ITPKA: variants seen among roughly 807,000 people sequenced by gnomAD.
The protein encoded by ITPKA is inositol-trisphosphate 3-kinase A.
A neutral mutation model predicts 40.7 loss-of-function variants in ITPKA; 16 were observed. The ratio of observed to expected loss-of-function variants is 0.39; its 90% confidence interval spans 0.27 to 0.60. ITPKA has a LOEUF of 0.60. Ranked by LOEUF, ITPKA falls within the 20% of genes least tolerant of loss-of-function variation. ITPKA has a pLI of 0.50. For synonymous variants in ITPKA, 313 were observed against 289.9 expected, an observed-to-expected ratio of 1.08 and a Z score of -0.81; for missense variants, 540 against 649.3, an observed-to-expected ratio of 0.83 and a Z score of 1.83.
At chr15:41,496,743 T>C (rs927663282) in intron 1 of ITPKA, among the ~76,000 whole-genome samples, 2 of 152,180 alleles carry the variant, frequency 1.3e-5, no homozygotes, top group African/African-American at 4.8e-5. Flanking sequence ...GAGCAGAATT[T>C]AGGTTAACAG....
Position 41,503,131 on chromosome 15 carries a change from C to T in ITPKA, c.1351C>T (p.Leu451Phe). The T allele has an allele frequency of 6.3e-7, 1 of 1,594,952 alleles. No homozygotes were observed. The highest frequency in any genetic ancestry group is 8.6e-7 in the Non-Finnish European group (1 of 1,164,620). The change falls in exon 7 of 7, where the codon CTC becomes TTC. Residue 451 changes from leucine to phenylalanine, a missense_variant. By Grantham distance (22) the Leu-to-Phe change is conservative. Coordinates refer to ENST00000260386, the MANE Select transcript of ITPKA (RefSeq NM_002220.3). ...CGGCTATTTGCTGGGGCTGGACAAT[C>T]TCATTGGCATCCTGGCCAGCCTGGC... ...EDGYLLGLDN[L>F]IGILASLAER is the part of the protein sequence containing the mutation.
chr15:41,494,542 A>C lies in ITPKA; in HGVS notation c.489+126A>C, dbSNP rs1595447103. The C allele has an allele frequency of 1.6e-6, 1 of 643,358 alleles. No individual in the cohort carries two copies. Among genetic ancestry groups the C allele is most frequent in the South Asian group, 2.9e-5 (1 of 34,912 alleles). The allele number at this position is 643,358 out of a possible 1,614,324, so 39.9% of individuals were successfully genotyped here. ...GCGGAAGGTCCTGTTCTCGCGGTTT[A>C]GGAGGAATCTGGGGGTCAGAGGGAG... is the stretch of plus-strand genomic sequence containing the variant. On this transcript the variant is annotated intron_variant, in intron 1 of 6. Transcript: ENST00000260386. The surrounding 1 kb of genome is among the most constrained non-coding windows in gnomAD (Gnocchi z 7.8).
intron 1 of ITPKA, among the ~76,000 whole-genome samples, chr15:41,495,171 C>G (rs2051062114): frequency 1.3e-5 from 2 of 152,258 alleles, no homozygotes. Flanking sequence ...GCCCTGGGCA[C>G]TGTTAAGTCA....
chr15:41,496,581 A>C (rs2140672371), intron 1 of ITPKA, among the ~76,000 whole-genome samples: 1 of 152,274 alleles, frequency 6.6e-6, no homozygotes, highest in African/African-American at 2.4e-5. Context: ...GCCTCCTCAA[A>C]CAATTGTGGG....
In ITPKA at chr15:41,502,841, G is replaced by C. The variant is rs1171489604; in HGVS notation, c.1164G>C (p.Glu388Asp). The change falls in exon 6 of 7, where the codon GAG becomes GAC. Residue 388 changes from glutamate (E) to aspartate (D), a missense_variant. Physicochemically the swap from Glu to Asp is conservative, Grantham distance 45. Transcript: ENST00000260386. Reference protein sequence around the residue: ...QQIRDTLEVSEFFRRHEVIGS... With the variant: ...QQIRDTLEVSDFFRRHEVIGS... Reference sequence around the variant, plus strand: ...TCCGGGACACCCTGGAGGTATCCGAGTTCTTCAGGAGGCACGAGGTAAGCG... The same window carrying C: ...TCCGGGACACCCTGGAGGTATCCGACTTCTTCAGGAGGCACGAGGTAAGCG... The C allele has an allele frequency of 6.2e-7, 1 of 1,612,898 alleles. No individual in the cohort carries two copies. Among genetic ancestry groups the C allele is most frequent in the Non-Finnish European group, 8.5e-7 (1 of 1,179,616 alleles).
chr15:41,502,487 G>A lies in ITPKA; in HGVS notation c.1094G>A (p.Gly365Glu). ...VLRVFEEFVQ[G>E]DEEVLRRYLN... ...CGCGTCTTTGAAGAGTTTGTGCAAG[G>A]AGATGAGGAAGTGCTGGTGAGAGCG... Residue 365 changes from glycine to glutamate, a missense_variant, in exon 5 of 7, where the codon GGA (glycine) becomes GAA (glutamate). Gly to Glu is a moderately conservative substitution (Grantham distance 98, BLOSUM62 -2). Coordinates refer to ENST00000260386, the MANE Select transcript of ITPKA (RefSeq NM_002220.3). 3 of 1,590,250 alleles carry A rather than the reference G, an allele frequency of 1.9e-6. No individual in the cohort carries two copies. The highest frequency in any genetic ancestry group is 2.6e-6 in the Non-Finnish European group (3 of 1,159,166).
chr15:41,500,261 G>T (rs1428156485), intron 1 of ITPKA, among the ~76,000 whole-genome samples: 8 of 152,158 alleles, frequency 5.3e-5, no homozygotes, highest in Admixed American at 4.6e-4. Flanking sequence ...GCCCAGCCCG[G>T]CATCTTATTT....
rs563140984 is a variant in ITPKA at position 41,502,879 on chromosome 15, G to A, written c.1182+20G>A. The A allele has an allele frequency of 1.2e-6, 2 of 1,610,484 alleles. No homozygotes were observed. The highest frequency in any genetic ancestry group is 1.3e-5 in the African/African-American group (1 of 74,998). ...CACGAGGTAAGCGGCGGCTGCCCGG[G>A]TGCCCGGGCCGCGAGGGCTAGGGCG... is the stretch of plus-strand genomic sequence containing the variant. On this transcript the variant is annotated intron_variant, in intron 6 of 6. Coordinates refer to ENST00000260386, the MANE Select transcript of ITPKA (RefSeq NM_002220.3).
intron 6 of ITPKA, 38 bp downstream of exon 6, chr15:41,502,897 C>G: frequency 6.2e-7 from 1 of 1,607,736 alleles, no homozygotes; most frequent in Non-Finnish European, 8.5e-7. Flanking sequence ...GCCGCGAGGG[C>G]TAGGGCGGGA....
chr15:41,503,548 A>T lies in ITPKA; in HGVS notation c.*382A>T. 1.8e-6 allele frequency: 1 copy of T among 570,324 alleles called. No homozygotes were observed. The highest frequency in any genetic ancestry group is 1.4e-5 in the South Asian group (1 of 72,054). 35.3% of individuals were successfully genotyped at this position (570,324 alleles called of 1,614,324 possible). On this transcript the variant is annotated 3_prime_UTR_variant, in exon 7 of 7. Transcript: ENST00000260386. ...CCCCTTCCTAATAAAACTCAAAGAC[A>T]AGATGCAGCTTCCTGTGCCTCAGGC...
intron 1 of ITPKA, among the ~76,000 whole-genome samples, chr15:41,500,153 G>A (rs936637100): frequency 8.5e-5 from 13 of 152,136 alleles, no homozygotes; most frequent in Non-Finnish European, 1.9e-4. Flanking sequence ...TAGAGACGGG[G>A]TTTCACCATG....
chr15:41,502,581 C>T (rs1311179182), intron 5 of ITPKA, 78 bp downstream of exon 5: 4 of 991,570 alleles, frequency 4.0e-6, no homozygotes, highest in Non-Finnish European at 6.4e-6. Flanking sequence ...GCCCAGTGCC[C>T]TCGGCTGTGT....
rs1321997501 is a variant in ITPKA, at chr15:41,494,802, AC to A, written c.489+392del. Among the ~76,000 whole-genome samples the A allele has an allele frequency of 2.7e-5, 4 of 149,874 alleles. No homozygotes were observed. Among genetic ancestry groups the A allele is most frequent in the Non-Finnish European group, 6.0e-5 (4 of 67,158 alleles). ...AGAGAGGCGAAGGAGAGTTTCCCTTACCCCCCGCCCCCTCTCCGGTGCCGCG... is the reference window on the plus strand; with the variant it reads ...AGAGAGGCGAAGGAGAGTTTCCCTTACCCCCGCCCCCTCTCCGGTGCCGCG... On this transcript the variant is annotated intron_variant, in intron 1 of 6. Coordinates refer to ENST00000260386, the MANE Select transcript of ITPKA (RefSeq NM_002220.3). This position sits in a 1 kb window ranked among gnomAD's most constrained non-coding sequence, Gnocchi z 7.8.
At chr15:41,501,217 A>G (rs957857215) in intron 1 of ITPKA, 1 of 660,258 alleles carries the variant, frequency 1.5e-6, no homozygotes, top group African/African-American at 2.0e-5. Flanking sequence ...CGGGGGCTTC[A>G]GATGCTAAGT....
In ITPKA at chr15:41,503,195, C is replaced by T. The variant is rs749917822; in HGVS notation, c.*29C>T. ...TGGACTCCTGTCCCCGCGGGCCGCT[C>T]ACCTGACATGTGGACCTGCAGCTTT... is the stretch of plus-strand genomic sequence containing the variant. On this transcript the variant is annotated 3_prime_UTR_variant, in exon 7 of 7. Transcript: ENST00000260386. 20 of 1,502,680 alleles carry T rather than the reference C, an allele frequency of 1.3e-5. No homozygotes were observed. In the Admixed American group the frequency reaches 2.0e-4, roughly 15 times the overall value. 93.1% of individuals were successfully genotyped at this position (1,502,680 alleles called of 1,614,324 possible).
intron 1 of ITPKA, among the ~76,000 whole-genome samples, chr15:41,500,620 G>A (rs970203373): frequency 6.6e-6 from 1 of 152,218 alleles, no homozygotes. Flanking sequence ...ACCCAGTAAG[G>A]ATAGTTATTT....
intron 1 of ITPKA, among the ~76,000 whole-genome samples, chr15:41,498,955 G>C (rs979607144): frequency 6.6e-6 from 1 of 152,176 alleles, no homozygotes; most frequent in South Asian, 2.1e-4. Flanking sequence ...GGCAGGGCAT[G>C]AGGGGATGTA....
chr15:41,494,444 C>G lies in ITPKA; in HGVS notation c.489+28C>G. The G allele has an allele frequency of 7.3e-7, 1 of 1,379,134 alleles. No homozygotes were observed. Among genetic ancestry groups the G allele is most frequent in the Non-Finnish European group, 9.4e-7 (1 of 1,063,376 alleles). 85.4% of individuals were successfully genotyped at this position (1,379,134 alleles called of 1,614,324 possible). A position where few individuals can be genotyped will look rare whatever the true frequency, so the allele number is the denominator to read the frequency against. Reference sequence around the variant, plus strand: ...ACGGGCCGCGGGGGCGGGGCCAGCGCCGGGCGCGGGGGCTGCACGGGGGAC... The same window carrying G: ...ACGGGCCGCGGGGGCGGGGCCAGCGGCGGGCGCGGGGGCTGCACGGGGGAC... On this transcript the variant is annotated intron_variant, in intron 1 of 6. Transcript: ENST00000260386. The surrounding 1 kb of genome is among the most constrained non-coding windows in gnomAD (Gnocchi z 7.8).
chr15:41,502,407 G>T lies in ITPKA; in HGVS notation c.1014G>T (p.Ala338=), dbSNP rs768752652. The T allele has an allele frequency of 1.3e-6, 2 of 1,596,112 alleles. No homozygotes were observed. The highest frequency in any genetic ancestry group is 4.5e-5 in the East Asian group (2 of 44,332). The change falls in exon 5 of 7, where the codon GCG becomes GCT. Residue 338 remains alanine, a synonymous_variant. Coordinates refer to ENST00000260386, the MANE Select transcript of ITPKA (RefSeq NM_002220.3). ...LGFRIEGIKK[A]DGSCSTDFKT... is the part of the protein sequence containing the mutation. Reference sequence around the variant, plus strand: ...CACTCCTGTCCCACATCCAGAAAGCGGACGGCTCCTGCAGCACCGACTTCA... The same window carrying T: ...CACTCCTGTCCCACATCCAGAAAGCTGACGGCTCCTGCAGCACCGACTTCA...
Sources: gnomAD v4.1 joint callset for allele counts (sites outside exome capture counted in the v4.1 genomes callset) on GRCh38, gnomAD v4.1.1 for gene constraint, Gnocchi (gnomAD v3.1) non-coding constraint, MANE v1.5 for transcripts, NCBI Gene and HGNC (gene_info 2026-07-23, HGNC 2026-07-21) for gene names.